The following RBP4 variants were observed in gnomAD, a reference collection of about 807,000 sequenced individuals.
The protein encoded by RBP4 is retinol binding protein 4.
In RBP4, 9 loss-of-function variants were observed where a neutral mutation model predicts 26.2. The ratio of observed to expected loss-of-function variants is 0.34; its 90% confidence interval spans 0.21 to 0.60. The LOEUF (loss-of-function observed/expected upper bound fraction) is 0.60. Ranked by LOEUF, RBP4 falls within the 20% of genes least tolerant of loss-of-function variation. The pLI, the probability that RBP4 is intolerant of heterozygous loss-of-function variation, is 0.80. For synonymous variants in RBP4, 114 were observed against 111.0 expected (o/e 1.03, Z -0.17); for missense variants, 244 against 271.3 (o/e 0.90, Z 0.71).
intron 1 of RBP4, 41 bp from the exon 2 acceptor site, chr10:93,601,087 C>CCCG (rs1389867706): frequency 2.5e-6 from 4 of 1,588,114 alleles, no homozygotes; most frequent in Non-Finnish European, 3.4e-6. Context: ...GCAGCCGACC[C>CCCG]CCGCCGCCGT....
At chr10:93,600,223 G>C (rs1484903186) in intron 4 of RBP4, among the ~76,000 whole-genome samples, 170 bp downstream of exon 4, 1 of 152,188 alleles carries the variant, frequency 6.6e-6, no homozygotes, top group African/African-American at 2.4e-5. Flanking sequence ...GTAGGTAGCT[G>C]CTCCCAATCT....
Position 93,600,960 on chromosome 10 carries a change from T to A in RBP4, c.69A>T (p.Arg23=), listed in dbSNP as rs1486836370. ...TCTCCTTGACTCGGAAGCTGCTCAC[T>A]CGGCAGTCGCGCTCCGCGCGGCCGC... is the stretch of plus-strand genomic sequence containing the variant. ...LGSGRAERDC[R]VSSFRVKENF... is the part of the protein sequence containing the mutation. Residue 23 remains arginine, a synonymous_variant, in exon 2 of 6, where the codon CGA becomes CGT. Coordinates refer to ENST00000371464, the MANE Select transcript of RBP4 (RefSeq NM_006744.4). 3.7e-6 allele frequency: 6 copies of A among 1,612,340 alleles called. No homozygotes were observed. In the Admixed American group the frequency reaches 1.0e-4, roughly 27 times the overall value.
At chr10:93,595,739 G>A (rs1172657553) in intron 4 of RBP4, among the ~76,000 whole-genome samples, 3 of 152,210 alleles carry the variant, frequency 2.0e-5, no homozygotes, top group Admixed American at 6.5e-5. Flanking sequence ...AACCCCTGGA[G>A]TGCCAGCCTA....
chr10:93,601,729 T>G (rs1490289387), upstream of RBP4: 1 of 777,682 alleles, frequency 1.3e-6, no homozygotes, highest in Non-Finnish European at 2.4e-6. Flanking sequence ...AAGTAGTTTT[T>G]CATTTTATAA....
intron 4 of RBP4, among the ~76,000 whole-genome samples, chr10:93,599,404 G>A (rs10882278): frequency 0.081 from 12,335 of 152,194 alleles, 615 homozygotes; most frequent in Middle Eastern, 0.11. Flanking sequence ...CTGGATCACC[G>A]AGCAGAGAGA....
At chr10:93,601,560 G>T (rs867978993), upstream of RBP4, 29 of 668,122 alleles carry the variant, frequency 4.3e-5, no homozygotes, top group South Asian at 4.1e-4. Context: ...CTGGCAGGAG[G>T]CTCGAGTCAA....
In RBP4 at chr10:93,592,043, A is replaced by G; in HGVS notation, c.*32T>C. On this transcript the variant is annotated 3_prime_UTR_variant, in exon 6 of 6. Transcript: ENST00000371464. ...AGCTGAAGACTGAGAGCTAATCAGA[A>G]GTTCTCAGATGAAACTAGATTCTTG... 3 of 1,583,654 alleles carry G rather than the reference A, an allele frequency of 1.9e-6. No homozygotes were observed. The highest frequency in any genetic ancestry group is 2.6e-6 in the Non-Finnish European group (3 of 1,152,224).
rs747664192 is a variant in RBP4 at position 93,600,653 on chromosome 10, C to T, written c.248+14G>A. 30 of 1,611,986 alleles carry T rather than the reference C, an allele frequency of 1.9e-5. No homozygotes were observed. In the Admixed American group the frequency reaches 4.7e-4, roughly 25 times the overall value. On this transcript the variant is annotated intron_variant, in intron 3 of 5. Transcript: ENST00000371464. The stretch of plus-strand genomic sequence containing the variant: ...TGGAGCGCAAAGGGCGCAGCTGCCC[C>T]GGCGGCCACTGACTTCAAAAGACGG...
intron 1 of RBP4, 55 bp from the exon 2 acceptor site, chr10:93,601,101 C>T (rs1404021160): frequency 1.9e-6 from 3 of 1,552,734 alleles, no homozygotes; most frequent in East Asian, 2.4e-5. Context: ...CCGCCGTATC[C>T]CACCTCACCC....
intron 5 of RBP4, among the ~76,000 whole-genome samples, chr10:93,592,897 A>T (rs1365705805): frequency 6.6e-6 from 1 of 152,108 alleles, no homozygotes; most frequent in Non-Finnish European, 1.5e-5. Flanking sequence ...AACTCACTGC[A>T]GCCTCCGCCT....
chr10:93,592,182 A>G (rs2058271662), intron 5 of RBP4, 70 bp from the exon 6 acceptor site: 1 of 1,322,618 alleles, frequency 7.6e-7, no homozygotes, highest in African/African-American at 1.4e-5. Context: ...AATGAACATC[A>G]TGATGGCCTT....
chr10:93,600,851 G>A, intron 2 of RBP4, 48 bp from the exon 3 acceptor site: 1 of 1,599,090 alleles, frequency 6.3e-7, no homozygotes, highest in Non-Finnish European at 8.5e-7. Context: ...GGCGCACGGC[G>A]GGCCGCGGGG....
chr10:93,597,775 C>T (rs767708679), intron 4 of RBP4, among the ~76,000 whole-genome samples: 1 of 152,210 alleles, frequency 6.6e-6, no homozygotes, highest in Non-Finnish European at 1.5e-5. Context: ...ATTTTAAACA[C>T]ATCCGTTTGG....
At chr10:93,601,384 T>C, upstream of RBP4, 1 of 1,263,558 alleles carries the variant, frequency 7.9e-7, no homozygotes, top group South Asian at 3.2e-5. Context: ...ACGGGCAGGG[T>C]CCCTGTGGGC....
chr10:93,600,447 G>A lies in RBP4; in HGVS notation c.301C>T (p.Pro101Ser), dbSNP rs749329416. ...MVGTFTDTED[P>S]AKFKMKYWGV... ...CAGTACTTCATCTTGAACTTGGCAG[G>A]GTCCTCGGTGTCTGTGAAGGTGCCC... Residue 101 changes from proline (P) to serine (S), a missense_variant, in exon 4 of 6, where the codon CCT becomes TCT. Coordinates refer to ENST00000371464, the MANE Select transcript of RBP4 (RefSeq NM_006744.4). 2.5e-6 allele frequency: 4 copies of A among 1,614,114 alleles called. No individual in the cohort carries two copies. The highest frequency in any genetic ancestry group is 3.4e-6 in the Non-Finnish European group (4 of 1,180,032).
chr10:93,601,741 G>T, upstream of RBP4: 1 of 774,454 alleles, frequency 1.3e-6, no homozygotes, highest in Non-Finnish European at 2.4e-6. Context: ...ATTTTATAAA[G>T]GATGTATTTT....
At chr10:93,597,134 A>G (rs1388534259) in intron 4 of RBP4, among the ~76,000 whole-genome samples, 1 of 152,216 alleles carries the variant, frequency 6.6e-6, no homozygotes, top group Non-Finnish European at 1.5e-5. Flanking sequence ...TTCTGACTCC[A>G]TAATTCTGGG....
intron 4 of RBP4, 34 bp from the exon 5 acceptor site, chr10:93,594,069 C>T: frequency 6.3e-7 from 1 of 1,598,958 alleles, no homozygotes; most frequent in South Asian, 1.1e-5. Flanking sequence ...CCGATCAATG[C>T]CTTTCCCTCA....
chr10:93,600,195 C>T (rs2058327444), intron 4 of RBP4, among the ~76,000 whole-genome samples, 198 bp downstream of exon 4: 1 of 152,198 alleles, frequency 6.6e-6, no homozygotes, highest in South Asian at 2.1e-4. Context: ...GTTTCTTGAG[C>T]TGAGGTTTGG....
Sources: gnomAD v4.1 joint callset for allele counts (sites outside exome capture counted in the v4.1 genomes callset) on GRCh38, gnomAD v4.1.1 for gene constraint, MANE v1.5 for transcripts, NCBI Gene and HGNC (gene_info 2026-07-23, HGNC 2026-07-21) for gene names.